CSTPP1: variants seen among roughly 807,000 people sequenced by gnomAD.
CSTPP1 encodes UPF0705 protein C11orf49.
At chr11:47,044,485 C>T in the CSTPP1 span, among the ~76,000 whole-genome samples, 1 of 151,512 alleles carries the variant, frequency 6.6e-6, no homozygotes, top group Non-Finnish European at 1.5e-5. Context: ...GCTGAACAGA[C>T]AGAATAGAGA....
chr11:47,130,892 A>G, the CSTPP1 span: 2 of 152,260 alleles, frequency 1.3e-5, no homozygotes, highest in African/African-American at 4.8e-5. Flanking sequence ...ATTGCAGCTG[A>G]AAATTGGAGA....
the CSTPP1 span, among the ~76,000 whole-genome samples, chr11:47,079,006 C>T: frequency 6.6e-6 from 1 of 152,116 alleles, no homozygotes; most frequent in East Asian, 1.9e-4. Context: ...GCTAGGATGG[C>T]GTTTCCTTGG....
the CSTPP1 span, among the ~76,000 whole-genome samples, chr11:47,116,190 G>A: frequency 6.6e-6 from 1 of 152,130 alleles, no homozygotes; most frequent in Non-Finnish European, 1.5e-5. Context: ...ACAGTTTGTT[G>A]TGATTTCTGT....
the CSTPP1 span, among the ~76,000 whole-genome samples, chr11:47,064,588 T>C: frequency 2.0e-5 from 3 of 152,214 alleles, no homozygotes; most frequent in Non-Finnish European, 2.9e-5. Flanking sequence ...TTTCTCCCCT[T>C]GAATGGTACC....
At chr11:47,122,877 C>G in the CSTPP1 span, among the ~76,000 whole-genome samples, 4 of 152,114 alleles carry the variant, frequency 2.6e-5, no homozygotes, top group African/African-American at 7.2e-5. Context: ...CTGCAGCCAA[C>G]CAAAAAATAA....
the CSTPP1 span, chr11:47,155,659 CAGA>C: frequency 1.4e-5 from 3 of 218,136 alleles, no homozygotes; most frequent in Non-Finnish European, 2.8e-5. Flanking sequence ...GACAAGCTCA[CAGA>C]AGTAGTAGCC....
the CSTPP1 span, among the ~76,000 whole-genome samples, chr11:47,128,103 C>G: frequency 6.6e-6 from 1 of 152,138 alleles, no homozygotes; most frequent in Non-Finnish European, 1.5e-5. Context: ...TCTTGAACTC[C>G]TGACCAAGTG....
At chr11:46,966,226 A>C in the CSTPP1 span, among the ~76,000 whole-genome samples, 4 of 152,122 alleles carry the variant, frequency 2.6e-5, no homozygotes, top group Non-Finnish European at 4.4e-5. Flanking sequence ...TATTTTTAGT[A>C]GAGACGGGGT....
chr11:47,018,868 G>C, the CSTPP1 span, among the ~76,000 whole-genome samples: 10 of 152,182 alleles, frequency 6.6e-5, 1 homozygote, highest in Admixed American at 5.2e-4. Context: ...TTTTTAAATT[G>C]GGTTGTTTGT....
At chr11:47,153,724 C>T in the CSTPP1 span, among the ~76,000 whole-genome samples, 2 of 152,220 alleles carry the variant, frequency 1.3e-5, no homozygotes, top group Non-Finnish European at 2.9e-5. Flanking sequence ...CTATTGTTAT[C>T]TGTATTACAA....
chr11:46,978,878 A>G, the CSTPP1 span, among the ~76,000 whole-genome samples: 4 of 152,188 alleles, frequency 2.6e-5, no homozygotes, highest in Middle Eastern at 3.2e-3. Flanking sequence ...ACTTTTCTGT[A>G]TCTTTTTGTC....
chr11:47,122,631 G>A, the CSTPP1 span, among the ~76,000 whole-genome samples: 9 of 151,966 alleles, frequency 5.9e-5, no homozygotes, highest in African/African-American at 1.9e-4. Flanking sequence ...CACCCAGGCT[G>A]GAGTGCAGTG....
chr11:47,148,025 A>G, the CSTPP1 span, among the ~76,000 whole-genome samples: 2 of 152,134 alleles, frequency 1.3e-5, no homozygotes, highest in African/African-American at 4.8e-5. Context: ...AGGGCAGAGC[A>G]ATGACCTGGA....
chr11:46,969,044 C>T, the CSTPP1 span, among the ~76,000 whole-genome samples: 2 of 152,122 alleles, frequency 1.3e-5, no homozygotes, highest in African/African-American at 2.4e-5. Flanking sequence ...AACCACTGTT[C>T]GTTTTTATAC....
chr11:47,101,511 C>T, the CSTPP1 span, among the ~76,000 whole-genome samples: 1 of 151,378 alleles, frequency 6.6e-6, no homozygotes, highest in Non-Finnish European at 1.5e-5. Context: ...TGTGGGAGGT[C>T]TTCATTTAGG....
At chr11:47,107,672 A>G in the CSTPP1 span, among the ~76,000 whole-genome samples, 23 of 152,236 alleles carry the variant, frequency 1.5e-4, no homozygotes, top group African/African-American at 4.8e-4. Flanking sequence ...TACTCTGTGA[A>G]GCAAATGAAT....
At chr11:46,957,830 A>C in the CSTPP1 span, among the ~76,000 whole-genome samples, 1 of 152,148 alleles carries the variant, frequency 6.6e-6, no homozygotes, top group Admixed American at 6.5e-5. Flanking sequence ...GAATATCCTT[A>C]ACCTTTCCAA....
the CSTPP1 span, among the ~76,000 whole-genome samples, chr11:46,964,316 C>T: frequency 6.7e-6 from 1 of 150,160 alleles, no homozygotes; most frequent in Non-Finnish European, 1.5e-5. Flanking sequence ...AATGGAGTCT[C>T]GCTCTGTCAC....
At chr11:47,154,634 C>T in the CSTPP1 span, among the ~76,000 whole-genome samples, 1 of 152,114 alleles carries the variant, frequency 6.6e-6, no homozygotes, top group Non-Finnish European at 1.5e-5. Context: ...CCCTTGTCTG[C>T]CATCTGTGCC....
Sources: allele counts gnomAD v4.1 joint callset (sites outside exome capture counted in the v4.1 genomes callset), GRCh38; gene constraint gnomAD v4.1.1; transcripts MANE v1.5; gene names NCBI Gene and HGNC (gene_info 2026-07-23, HGNC 2026-07-21).